The following NSUN3 variants were observed in gnomAD, a reference collection of about 807,000 sequenced individuals.
NSUN3 encodes the protein tRNA (cytosine(34)-C(5))-methyltransferase, mitochondrial.
Under a neutral mutation model 36.8 loss-of-function variants are expected in NSUN3, and 24 were observed. The ratio of observed to expected loss-of-function variants is 0.65; its 90% confidence interval spans 0.47 to 0.92. NSUN3 has a LOEUF of 0.92. Ranked by LOEUF, NSUN3 falls within the 40% of genes least tolerant of loss-of-function variation. The pLI, the probability that NSUN3 is intolerant of heterozygous loss-of-function variation, is 0.00. For missense variants in NSUN3, 381 were observed against 392.8 expected (o/e 0.97, Z 0.25); for synonymous variants, 146 against 145.2 (o/e 1.01, Z -0.04).
intron 3 of NSUN3, among the ~76,000 whole-genome samples, chr3:94,091,001 A>G (rs542331391): frequency 7.5e-4 from 114 of 152,334 alleles, no homozygotes; most frequent in Non-Finnish European, 1.5e-3. Context: ...CCTGTCTTCA[A>G]CTTTGATGCC....
At chr3:94,110,822 G>T (rs977062821) in intron 5 of NSUN3, among the ~76,000 whole-genome samples, 9 of 151,794 alleles carry the variant, frequency 5.9e-5, no homozygotes, top group African/African-American at 2.2e-4. Flanking sequence ...ATATATGTGT[G>T]TGTGTGTGTG....
chr3:94,096,179 C>T (rs1308628336), intron 5 of NSUN3, among the ~76,000 whole-genome samples: 1 of 152,154 alleles, frequency 6.6e-6, no homozygotes, highest in Non-Finnish European at 1.5e-5. Flanking sequence ...CTGACTGATA[C>T]ACAACAATAA....
At chr3:94,111,345 C>T (rs1231367629) in intron 5 of NSUN3, among the ~76,000 whole-genome samples, 2 of 151,912 alleles carry the variant, frequency 1.3e-5, no homozygotes, top group Admixed American at 6.6e-5. Flanking sequence ...ACTACTGTAG[C>T]GTTTATAAAC....
chr3:94,103,448 T>C (rs147975332), intron 5 of NSUN3, among the ~76,000 whole-genome samples: 1 of 151,706 alleles, frequency 6.6e-6, no homozygotes, highest in Admixed American at 6.6e-5. Context: ...TATACAATAG[T>C]ATAATAATAT....
intron 2 of NSUN3, chr3:94,081,992 G>A (rs1259168759): frequency 2.0e-5 from 3 of 152,104 alleles, no homozygotes; most frequent in African/African-American, 4.8e-5. Context: ...AAAGAAGAAC[G>A]AATAGAGATT....
At chr3:94,086,699 T>G (rs901545060) in intron 3 of NSUN3, among the ~76,000 whole-genome samples, 1 of 152,242 alleles carries the variant, frequency 6.6e-6, no homozygotes, top group Non-Finnish European at 1.5e-5. Flanking sequence ...ACTCAGCTAT[T>G]GAAGCTTGCT....
intron 2 of NSUN3, among the ~76,000 whole-genome samples, chr3:94,065,717 C>T (rs1042953371): frequency 2.0e-5 from 3 of 152,080 alleles, no homozygotes; most frequent in Non-Finnish European, 4.4e-5. Context: ...CGTTTATACT[C>T]GTGGGTTTTA....
chr3:94,122,539 A>G (rs1254665511), intron 5 of NSUN3, among the ~76,000 whole-genome samples: 1 of 152,074 alleles, frequency 6.6e-6, no homozygotes, highest in African/African-American at 2.4e-5. Context: ...GCAATCTCAC[A>G]CTGTACTCAG....
chr3:94,113,961 A>T (rs1249358959), intron 5 of NSUN3, among the ~76,000 whole-genome samples: 1 of 152,222 alleles, frequency 6.6e-6, no homozygotes, highest in Non-Finnish European at 1.5e-5. Flanking sequence ...AGTGTGAAGT[A>T]TGTGCTTTCA....
chr3:94,088,319 CTTGTTTTTTATTTATTTTTTCT>C (rs1418485988), intron 3 of NSUN3, among the ~76,000 whole-genome samples: 1 of 152,108 alleles, frequency 6.6e-6, no homozygotes, highest in East Asian at 1.9e-4. Flanking sequence ...CTTCCAACAT[CTTGTTTTTTATTTATTTTTTCT>C]TTCTCTCACT....
In NSUN3 at chr3:94,101,248, C is replaced by A. The variant is rs894983254; in HGVS notation, c.743+6094C>A. On this transcript the variant is annotated intron_variant, in intron 5 of 5. Transcript: ENST00000314622. ...CTCCAAGTGATCCTGACTCTTTGGC[C>A]TCCCAAGTGCTGAGACCATAAGCAC... 7.2e-5 allele frequency among the ~76,000 whole-genome samples: 11 copies of A among 152,080 alleles called. No individual in the cohort carries two copies. In the East Asian group the frequency reaches 2.1e-3, roughly 29 times the overall value.
rs1288947788 is a variant in NSUN3, at chr3:94,084,424, T to C, written c.440T>C (p.Ile147Thr). The C allele has an allele frequency of 2.3e-5, 37 of 1,613,792 alleles. No individual in the cohort carries two copies. Among genetic ancestry groups the C allele is most frequent in the Non-Finnish European group, 3.0e-5 (35 of 1,179,898 alleles). Residue 147 changes from isoleucine to threonine, a missense_variant, in exon 3 of 6, where the codon ATA becomes ACA. Ile to Thr is a moderately conservative substitution (Grantham distance 89). Transcript: ENST00000314622. ...TGTGCTGCTCCTGGAGGGAAATCAA[T>C]AGCTCTGCTGCAGTGTGCTTGTCCA... The part of the protein sequence containing the change: ...DLCAAPGGKS[I>T]ALLQCACPGY...
chr3:94,096,883 CTTA>C (rs1267687329), intron 5 of NSUN3, among the ~76,000 whole-genome samples: 3 of 152,180 alleles, frequency 2.0e-5, no homozygotes, highest in Non-Finnish European at 2.9e-5. Flanking sequence ...CTTGTGATGG[CTTA>C]TTAACATTGT....
chr3:94,105,503 T>C (rs747220851), intron 5 of NSUN3, among the ~76,000 whole-genome samples: 9 of 152,194 alleles, frequency 5.9e-5, no homozygotes, highest in Non-Finnish European at 1.2e-4. Flanking sequence ...ATGACTTCTT[T>C]AGGAAAAGAT....
intron 3 of NSUN3, among the ~76,000 whole-genome samples, chr3:94,085,872 C>T (rs2077290606): frequency 6.6e-6 from 1 of 151,940 alleles, no homozygotes; most frequent in Non-Finnish European, 1.5e-5. Flanking sequence ...TAGGTAAGCA[C>T]TCTTTAAGTC....
intron 2 of NSUN3, among the ~76,000 whole-genome samples, chr3:94,069,946 G>A (rs1376543929): frequency 1.3e-5 from 2 of 152,002 alleles, no homozygotes; most frequent in Admixed American, 6.6e-5. Context: ...TTATTCTTGT[G>A]TACCATCTGT....
At chr3:94,096,962 G>C (rs1273004080) in intron 5 of NSUN3, among the ~76,000 whole-genome samples, 1 of 152,014 alleles carries the variant, frequency 6.6e-6, no homozygotes, top group Non-Finnish European at 1.5e-5. Context: ...TTTCTTCTCT[G>C]TCTCCTGACA....
chr3:94,093,438 C>T (rs1348825098), intron 3 of NSUN3, among the ~76,000 whole-genome samples: 1 of 152,060 alleles, frequency 6.6e-6, no homozygotes, highest in Non-Finnish European at 1.5e-5. Flanking sequence ...AGTATTGTTG[C>T]CTTGGTAACC....
Position 94,095,022 on chromosome 3 carries a change from T to G in NSUN3, c.622-11T>G. The G allele has an allele frequency of 6.2e-7, 1 of 1,613,480 alleles. No individual in the cohort carries two copies. On this transcript the variant is annotated splice_polypyrimidine_tract_variant and intron_variant, in intron 4 of 5. Transcript: ENST00000314622. The stretch of plus-strand genomic sequence containing the variant: ...GTGCATATTTGCATCACTTGTCTTT[T>G]TTTTCTCTAGGTGTTAGTGGATGCT...
Sources: gnomAD v4.1 joint callset for allele counts (sites outside exome capture counted in the v4.1 genomes callset) on GRCh38, gnomAD v4.1.1 for gene constraint, MANE v1.5 for transcripts, NCBI Gene and HGNC (gene_info 2026-07-23, HGNC 2026-07-21) for gene names.